The following BRD1 variants were observed in gnomAD, a reference collection of about 807,000 sequenced individuals.
The protein encoded by BRD1 is bromodomain-containing protein 1.
In BRD1, 24 loss-of-function variants were observed where a neutral mutation model predicts 107.7. The ratio of observed to expected loss-of-function variants is 0.22; its 90% CI spans 0.16 to 0.31. The LOEUF (loss-of-function observed/expected upper bound fraction) is 0.31. BRD1 is among the 10% of genes least tolerant of loss of function. BRD1 has a pLI of 1.00. For missense variants in BRD1, 1,279 were observed against 1,638.6 expected (o/e 0.78, Z 3.79); for synonymous variants, 744 against 686.1 (o/e 1.08, Z -1.32).
chr22:49,802,148 C>T (rs2059654469), intron 3 of BRD1, among the ~76,000 whole-genome samples: 1 of 151,682 alleles, frequency 6.6e-6, no homozygotes, highest in Non-Finnish European at 1.5e-5. Flanking sequence ...GAGACCAATG[C>T]CTCCACTCTC....
chr22:49,777,376 C>T (rs996257380), intron 9 of BRD1, among the ~76,000 whole-genome samples: 1 of 152,240 alleles, frequency 6.6e-6, no homozygotes, highest in Non-Finnish European at 1.5e-5. Flanking sequence ...GGCAGACAGG[C>T]AGGGCTGTGC....
intron 2 of BRD1, among the ~76,000 whole-genome samples, chr22:49,813,784 G>C (rs2059899688): frequency 6.6e-6 from 1 of 151,272 alleles, no homozygotes; most frequent in African/African-American, 2.4e-5. Flanking sequence ...AGCCAAGACT[G>C]TGCCATTGCA....
intron 6 of BRD1, among the ~76,000 whole-genome samples, chr22:49,794,697 G>A (rs986907490): frequency 6.6e-6 from 1 of 152,212 alleles, no homozygotes; most frequent in Non-Finnish European, 1.5e-5. Flanking sequence ...CTGGACCTGC[G>A]CTGGCTCTGC....
At chr22:49,819,771 T>A (rs963275023) in intron 2 of BRD1, among the ~76,000 whole-genome samples, 1 of 152,014 alleles carries the variant, frequency 6.6e-6, no homozygotes, top group African/African-American at 2.4e-5. Context: ...AAAGTGTTTA[T>A]TTACCGCTGT....
At chr22:49,773,278 C>T (rs1420033430), downstream of BRD1, 1 of 152,184 alleles carries the variant, frequency 6.6e-6, no homozygotes, top group African/African-American at 2.4e-5. Flanking sequence ...AAAATGGCCA[C>T]ACCGTCCAAA....
chr22:49,821,607 C>CT (rs138878), intron 2 of BRD1, among the ~76,000 whole-genome samples: 99 of 133,606 alleles, frequency 7.4e-4, no homozygotes, highest in East Asian at 5.9e-3. Flanking sequence ...CTTAAAACTT[C>CT]TTTTTTTTTT....
chr22:49,776,931 G>A (rs2059111654), intron 10 of BRD1, 103 bp downstream of exon 10: 2 of 1,523,494 alleles, frequency 1.3e-6, no homozygotes, highest in African/African-American at 2.7e-5. Context: ...GCTCCACACA[G>A]GGCACCATGC....
chr22:49,798,672 C>T lies in BRD1; in HGVS notation c.1671G>A (p.Gln557=), dbSNP rs761436031. The T allele has an allele frequency of 5.0e-6, 8 of 1,607,426 alleles. No homozygotes were observed. In the Admixed American group the frequency reaches 5.0e-5, roughly 10 times the overall value. The change falls in exon 5 of 13, where the codon CAG becomes CAA. Residue 557 remains glutamine (Q), a synonymous_variant. Transcript: ENST00000404760. ...KLKREQVKVE[Q]VAMELRLTPL... ...GGGTCAGCCGCAGCTCCATGGCGACCTGCTCCACCTTCACCTGGGGGGGCC... is the reference window on the plus strand; with the variant it reads ...GGGTCAGCCGCAGCTCCATGGCGACTTGCTCCACCTTCACCTGGGGGGGCC...
At chr22:49,790,515 T>A (rs921723977) in intron 7 of BRD1, among the ~76,000 whole-genome samples, 1 of 152,214 alleles carries the variant, frequency 6.6e-6, no homozygotes, top group Non-Finnish European at 1.5e-5. Flanking sequence ...ATATTCCAAA[T>A]GGCAAAATGG....
chr22:49,774,457 C>T, intron 12 of BRD1, 41 bp from the exon 13 acceptor site: 1 of 1,579,828 alleles, frequency 6.3e-7, no homozygotes, highest in East Asian at 2.2e-5. Flanking sequence ...ATTGCTTGCA[C>T]ATGGTATTTC....
chr22:49,807,135 G>C (rs1325119779), intron 2 of BRD1: 1 of 152,096 alleles, frequency 6.6e-6, no homozygotes, highest in Non-Finnish European at 1.5e-5. Flanking sequence ...ACTTTACCAT[G>C]GGACCCACTA....
At chr22:49,819,221 T>C (rs899031740) in intron 2 of BRD1, among the ~76,000 whole-genome samples, 3 of 151,020 alleles carry the variant, frequency 2.0e-5, no homozygotes, top group Non-Finnish European at 4.4e-5. Context: ...GATTATGCCA[T>C]TGCACTCCAG....
intron 2 of BRD1, among the ~76,000 whole-genome samples, chr22:49,819,868 G>A (rs1320444949): frequency 3.3e-5 from 5 of 152,042 alleles, no homozygotes; most frequent in South Asian, 2.1e-4. Flanking sequence ...AGTGGCTCAC[G>A]CCTGTAATCC....
rs2059649145 is a variant in BRD1 at position 49,801,929 on chromosome 22, T to C, written c.1524+2275A>G. Among the ~76,000 whole-genome samples, 3 of 152,200 alleles carry C rather than the reference T, an allele frequency of 2.0e-5. No homozygotes were observed. The South Asian group carries it at 6.2e-4, about 31-fold the overall frequency. On this transcript the variant is annotated intron_variant, in intron 3 of 12. Transcript: ENST00000404760. Reference sequence around the variant, plus strand: ...TACTGCAGGGATTCTGGCCCTCGTGTCCCAGCTTATGAGAGTAGAAATGAT... The same window carrying C: ...TACTGCAGGGATTCTGGCCCTCGTGCCCCAGCTTATGAGAGTAGAAATGAT...
At chr22:49,802,177 C>T (rs1247601514) in intron 3 of BRD1, among the ~76,000 whole-genome samples, 3 of 148,578 alleles carry the variant, frequency 2.0e-5, no homozygotes, top group East Asian at 2.0e-4. Flanking sequence ...CCCAACATCG[C>T]GGGGGCCGAG....
At chr22:49,787,358 G>A (rs1319945677) in intron 8 of BRD1, 32 bp downstream of exon 8, 5 of 1,555,238 alleles carry the variant, frequency 3.2e-6, no homozygotes, top group East Asian at 2.5e-5. Context: ...TGGTCGGCAA[G>A]GGCGCCTCTC....
At chr22:49,779,100 G>A (rs2059155632) in intron 8 of BRD1, among the ~76,000 whole-genome samples, 2 of 152,046 alleles carry the variant, frequency 1.3e-5, no homozygotes, top group South Asian at 4.1e-4. Context: ...TGGAAACGAT[G>A]TCTCACTCTG....
intron 2 of BRD1, among the ~76,000 whole-genome samples, chr22:49,814,321 A>T (rs1055532641): frequency 2.0e-5 from 3 of 152,272 alleles, no homozygotes; most frequent in African/African-American, 7.2e-5. Flanking sequence ...ACACACACGC[A>T]GACCCCATGC....
chr22:49,775,820 C>CACCG, intron 11 of BRD1, 75 bp from the exon 12 acceptor site: 1 of 1,360,456 alleles, frequency 7.4e-7, no homozygotes, highest in African/African-American at 2.2e-5. Context: ...CTGGCACCCC[C>CACCG]CCCCGCCTCC....
Sources: gnomAD v4.1 joint callset for allele counts (sites outside exome capture counted in the v4.1 genomes callset) on GRCh38, gnomAD v4.1.1 for gene constraint, MANE v1.5 for transcripts, NCBI Gene and HGNC (gene_info 2026-07-23, HGNC 2026-07-21) for gene names.